Variants in ADAR observed in about 807,000 individuals in gnomAD.
ADAR encodes the protein double-stranded RNA-specific adenosine deaminase.
ADAR carries 41 observed loss-of-function variants against 113.2 expected under a neutral mutation model. That is an observed-to-expected ratio of 0.36 (90% CI 0.28 to 0.47). ADAR has a LOEUF of 0.47. Ranked by LOEUF, ADAR falls within the 20% of genes least tolerant of loss-of-function variation. The pLI is 1.00. For missense variants in ADAR, 1,242 were observed against 1,540.9 expected, an observed-to-expected ratio of 0.81 and a Z score of 3.25; for synonymous variants, 605 against 572.6, an observed-to-expected ratio of 1.06 and a Z score of -0.81.
At chr1:154,598,340 G>A in intron 3 of ADAR, 62 bp downstream of exon 3, 1 of 1,564,376 alleles carries the variant, frequency 6.4e-7, no homozygotes, top group Non-Finnish European at 8.8e-7. Flanking sequence ...CCTCAAGGGA[G>A]TCAGTTACAA....
At chr1:154,591,215 G>A (rs1326726376) in intron 6 of ADAR, among the ~76,000 whole-genome samples, 2 of 151,964 alleles carry the variant, frequency 1.3e-5, no homozygotes, top group African/African-American at 4.8e-5. Context: ...GTATGAGGAA[G>A]GCTTAACGAA....
intron 6 of ADAR, among the ~76,000 whole-genome samples, chr1:154,593,930 C>A (rs1443581336): frequency 6.6e-6 from 1 of 151,990 alleles, no homozygotes; most frequent in Non-Finnish European, 1.5e-5. Context: ...ATCACCCAGG[C>A]TGGAGTGCAG....
chr1:154,627,914 A>ACCCCCCCCCCCCCCCCCCCCCCC, exon 1 of ADAR: 5 of 463,316 alleles, frequency 1.1e-5, no homozygotes, highest in South Asian at 3.0e-5. Flanking sequence ...TGCGGCCGCG[A>ACCCCCCCCCCCCCCCCCCCCCCC]CCCTCCCCCC....
chr1:154,588,936 T>C (rs546995706), intron 9 of ADAR, among the ~76,000 whole-genome samples: 6 of 152,338 alleles, frequency 3.9e-5, no homozygotes, highest in African/African-American at 1.4e-4. Context: ...ATTCAAGGAC[T>C]ACAGGAAGCT....
chr1:154,610,824 G>GAAAAAAAAAAA (rs1298389364), upstream of ADAR, among the ~76,000 whole-genome samples: 7 of 65,204 alleles, frequency 1.1e-4, no homozygotes, highest in Non-Finnish European at 1.6e-4. Context: ...AAAAAAAAAA[G>GAAAAAAAAAAA]AAAAAAAAAA....
At chr1:154,600,983 G>T (rs749314926) in intron 2 of ADAR, 58 bp downstream of exon 2, 4 of 1,610,050 alleles carry the variant, frequency 2.5e-6, no homozygotes, top group Non-Finnish European at 3.4e-6. Flanking sequence ...CCAAGACTGC[G>T]TCAGGAGCAA....
upstream of ADAR, among the ~76,000 whole-genome samples, chr1:154,609,952 T>C (rs1440517751): frequency 6.6e-6 from 1 of 152,194 alleles, no homozygotes; most frequent in Non-Finnish European, 1.5e-5. Flanking sequence ...ATCCTTATAT[T>C]CGCCTTCAGA....
At chr1:154,619,710 T>C (rs1698736064) in intron 1 of ADAR, among the ~76,000 whole-genome samples, 1 of 152,092 alleles carries the variant, frequency 6.6e-6, no homozygotes, top group Non-Finnish European at 1.5e-5. Context: ...GACATGTAAA[T>C]AACTGACTAG....
intron 1 of ADAR, among the ~76,000 whole-genome samples, chr1:154,624,634 C>A (rs905895636): frequency 8.6e-5 from 13 of 150,604 alleles, no homozygotes; most frequent in African/African-American, 3.0e-4. Flanking sequence ...CAGGTCTTTC[C>A]CAAATATTTA....
intron 1 of ADAR, among the ~76,000 whole-genome samples, chr1:154,619,195 T>G (rs987116338): frequency 2.0e-5 from 3 of 152,218 alleles, no homozygotes; most frequent in Admixed American, 2.0e-4. Context: ...TCCACTTTCC[T>G]AAGAAGGCCA....
At chr1:154,599,810 G>T (rs903321) in intron 2 of ADAR, among the ~76,000 whole-genome samples, 4 of 152,346 alleles carry the variant, frequency 2.6e-5, no homozygotes, top group African/African-American at 9.6e-5. Context: ...GTGAGGTAAA[G>T]GCTGACTTCA....
In ADAR at chr1:154,585,868, G is replaced by A; in HGVS notation, c.3203-3C>T. On this transcript the variant is annotated splice_region_variant and splice_polypyrimidine_tract_variant and intron_variant, in intron 12 of 14. Coordinates refer to ENST00000368474, the MANE Select transcript of ADAR (RefSeq NM_001111.5). ...ATGCCCTTGGCTGAAAAGGTAACCT[G>A]AGTACAAAAAAGAGAAACATATATA... 9 of 1,612,736 alleles carry A rather than the reference G, an allele frequency of 5.6e-6. No individual in the cohort carries two copies. Among genetic ancestry groups the A allele is most frequent in the Non-Finnish European group, 7.6e-6 (9 of 1,178,960 alleles).
At chr1:154,620,993 C>T (rs1429785700) in intron 1 of ADAR, among the ~76,000 whole-genome samples, 2 of 152,130 alleles carry the variant, frequency 1.3e-5, no homozygotes, top group Non-Finnish European at 2.9e-5. Context: ...ACCAGACAGC[C>T]ACACATAAAT....
chr1:154,603,128 G>T (rs558032085), intron 1 of ADAR, among the ~76,000 whole-genome samples: 23 of 152,198 alleles, frequency 1.5e-4, no homozygotes, highest in Non-Finnish European at 3.1e-4. Context: ...AGGCTCACCA[G>T]TGCACCCCTT....
intron 1 of ADAR, among the ~76,000 whole-genome samples, chr1:154,605,631 G>A (rs1039719680): frequency 2.0e-5 from 3 of 152,036 alleles, no homozygotes; most frequent in African/African-American, 7.2e-5. Context: ...TCTAGCACTT[G>A]GCACAAAGCT....
chr1:154,585,175 G>C (rs759837531), intron 14 of ADAR, 42 bp downstream of exon 14: 2 of 1,614,114 alleles, frequency 1.2e-6, no homozygotes, highest in South Asian at 1.1e-5. Flanking sequence ...TTGCAAGTCA[G>C]GGCAGAGGCT....
At chr1:154,597,018 G>C (rs1049645574) in intron 5 of ADAR, 23 bp from the exon 6 acceptor site, 1 of 1,614,142 alleles carries the variant, frequency 6.2e-7, no homozygotes. Context: ...CCATCAAACA[G>C]AGGAGCCATA....
Position 154,588,236 on chromosome 1 carries a change from C to T in ADAR, c.2908G>A (p.Ala970Thr), listed in dbSNP as rs781413531. Residue 970 changes from alanine to threonine, a missense_variant, in exon 11 of 15, where the codon GCC becomes ACC. Ala to Thr is a moderately conservative substitution (Grantham distance 58). This residue lies in a region of ADAR where 780 missense variants were observed against 1,057.9 expected (regional missense o/e 0.74). Transcript: ENST00000368474. ...YISTAPCGDGALFDKSCSDRA... is the reference protein window; with the variant it reads ...YISTAPCGDGTLFDKSCSDRA... ...TCGCTGCAGGACTTGTCAAAGAGGG[C>T]GCCATCTCCACACGGAGCAGTGCTG... The T allele has an allele frequency of 6.8e-6, 11 of 1,613,814 alleles. No individual in the cohort carries two copies. The highest frequency in any genetic ancestry group is 1.7e-5 in the Admixed American group (1 of 60,002).
chr1:154,585,740 G>C lies in ADAR; in HGVS notation c.3315+13C>G, dbSNP rs1396562520. On this transcript the variant is annotated intron_variant, in intron 13 of 14. Transcript: ENST00000368474. ...AGGAAAATGTCAGGGAAAATAGAAG[G>C]GGGTTATAGCACCTTGGGGTGGTTG... 1.0e-5 allele frequency: 16 copies of C among 1,598,384 alleles called. No individual in the cohort carries two copies. Among genetic ancestry groups the C allele is most frequent in the Non-Finnish European group, 1.3e-5 (15 of 1,165,768 alleles).
Sources: gnomAD v4.1 joint callset for allele counts (sites outside exome capture counted in the v4.1 genomes callset) on GRCh38, gnomAD v4.1.1 for gene constraint, gnomAD v4.1.1 regional missense constraint, MANE v1.5 for transcripts, NCBI Gene and HGNC (gene_info 2026-07-23, HGNC 2026-07-21) for gene names.